Variants in SCN1A observed in about 807,000 individuals in gnomAD.
SCN1A encodes the protein sodium voltage-gated channel alpha subunit 1, also known as sodium channel protein type 1 subunit alpha.
SCN1A carries 13 observed loss-of-function variants against 193.7 expected under a neutral mutation model. That is an observed-to-expected ratio of 0.07 (90% CI 0.04 to 0.11). The LOEUF is 0.11. SCN1A is among the 10% of genes least tolerant of loss of function. The pLI is 1.00. For synonymous variants in SCN1A, 781 were observed against 843.6 expected, an observed-to-expected ratio of 0.93 and a Z score of 1.29; for missense variants, 1,432 against 2,451.1, an observed-to-expected ratio of 0.58 and a Z score of 8.78.
intron 13 of SCN1A, among the ~76,000 whole-genome samples, chr2:166,044,421 C>T (rs1697549573): frequency 6.6e-6 from 1 of 152,160 alleles, no homozygotes; most frequent in Non-Finnish European, 1.5e-5. Context: ...CTTAACAAGG[C>T]CACCTTGGTT....
intron 2 of SCN1A, among the ~76,000 whole-genome samples, chr2:166,105,009 C>T (rs1322194474): frequency 6.6e-6 from 1 of 152,134 alleles, no homozygotes; most frequent in Non-Finnish European, 1.5e-5. Flanking sequence ...TTTCAAATAA[C>T]CTCAGTGAAG....
At chr2:166,068,156 G>A (rs1482386384) in intron 4 of SCN1A, among the ~76,000 whole-genome samples, 1 of 152,140 alleles carries the variant, frequency 6.6e-6, no homozygotes, top group African/African-American at 2.4e-5. Flanking sequence ...ATTGTTTGAG[G>A]TACTGGGTAT....
At chr2:166,077,217 T>A (rs1043184936) in intron 3 of SCN1A, 3 of 151,844 alleles carry the variant, frequency 2.0e-5, no homozygotes, top group African/African-American at 7.2e-5. Flanking sequence ...GACAATCTGA[T>A]ATCATTAAAA....
intron 19 of SCN1A, among the ~76,000 whole-genome samples, chr2:166,032,235 A>ACACACACG (rs1491448427): frequency 6.6e-6 from 1 of 152,096 alleles, no homozygotes; most frequent in African/African-American, 2.4e-5. Flanking sequence ...ACACACACAC[A>ACACACACG]GAGACAGAGA....
chr2:166,118,298 G>GCTTCTTCTTTTTTTTTTTTT (rs371947861), intron 2 of SCN1A, among the ~76,000 whole-genome samples: 3 of 44,696 alleles, frequency 6.7e-5, no homozygotes, highest in African/African-American at 2.2e-4. Flanking sequence ...TTTCTATTTA[G>GCTTCTTCTTTTTTTTTTTTT]TTTCTTTTTT....
At chr2:166,088,927 T>C (rs1255714198) in intron 2 of SCN1A, among the ~76,000 whole-genome samples, 2 of 152,218 alleles carry the variant, frequency 1.3e-5, no homozygotes, top group African/African-American at 4.8e-5. Flanking sequence ...TTAAGATATC[T>C]GAACAGGGTT....
intron 3 of SCN1A, among the ~76,000 whole-genome samples, chr2:166,076,548 T>C (rs889797907): frequency 2.0e-5 from 3 of 151,976 alleles, no homozygotes; most frequent in African/African-American, 7.2e-5. Context: ...GATTTTGAAG[T>C]TTATTTGGAA....
chr2:166,047,750 A>G lies in SCN1A; in HGVS notation c.1047T>C (p.Tyr349=), dbSNP rs1369404945. 1 of 1,613,478 alleles carries G rather than the reference A, an allele frequency of 6.2e-7. No individual in the cohort carries two copies. Among genetic ancestry groups the G allele is most frequent in the Non-Finnish European group, 8.5e-7 (1 of 1,179,614 alleles). ...GATTTCTACCAGCTTTCACACACAT[A>G]TATCCCTCTGGACATTGGCTGCAAG... ...SSDAGQCPEG[Y]MCVKAGRNPN... The change falls in exon 11 of 29, where the codon TAT becomes TAC. Residue 349 remains tyrosine (Y), a synonymous_variant. Transcript: ENST00000674923.
At chr2:166,049,775 A>G (rs12470105) in intron 9 of SCN1A, among the ~76,000 whole-genome samples, 20,581 of 151,988 alleles carry the variant, frequency 0.14, 1,763 homozygotes, top group East Asian at 0.33. Context: ...TGACACTACT[A>G]TATTGTAATT....
chr2:166,004,031 T>C (rs1691310865), intron 23 of SCN1A, among the ~76,000 whole-genome samples: 3 of 151,524 alleles, frequency 2.0e-5, no homozygotes, highest in Non-Finnish European at 4.4e-5. Context: ...GGGATGAGTA[T>C]GAAAAATTAA....
At chr2:166,122,281 G>C (rs906756220) in intron 2 of SCN1A, among the ~76,000 whole-genome samples, 1 of 152,104 alleles carries the variant, frequency 6.6e-6, no homozygotes, top group Admixed American at 6.5e-5. Flanking sequence ...TGTAACTTTG[G>C]GAAAGCATGT....
At chr2:166,131,980 C>A (rs1189434434), upstream of SCN1A, among the ~76,000 whole-genome samples, 1 of 151,968 alleles carries the variant, frequency 6.6e-6, no homozygotes, top group East Asian at 1.9e-4. Flanking sequence ...TTCTAAATTC[C>A]CCTGTCATTT....
At chr2:166,035,588 T>C (rs1696224583) in intron 19 of SCN1A, among the ~76,000 whole-genome samples, 1 of 152,172 alleles carries the variant, frequency 6.6e-6, no homozygotes, top group Non-Finnish European at 1.5e-5. Flanking sequence ...CATCAAAACT[T>C]ACTTAATACA....
intron 1 of SCN1A, among the ~76,000 whole-genome samples, chr2:166,145,552 G>A (rs1361406638): frequency 4.8e-5 from 7 of 146,668 alleles, no homozygotes; most frequent in South Asian, 2.2e-4. Context: ...GTGTGTAGGC[G>A]CACATGCATG....
Position 166,073,656 on chromosome 2 carries a change from C to T in SCN1A, c.-35G>A, listed in dbSNP as rs375640716. 15 of 1,610,722 alleles carry T rather than the reference C, an allele frequency of 9.3e-6. No individual in the cohort carries two copies. The highest frequency in any genetic ancestry group is 8.8e-5 in the South Asian group (8 of 90,640). ...CTGCACATTTTAATTACCATTTATT[C>T]TGCATATGAAATTCCTAAAATAAAA... On this transcript the variant is annotated 5_prime_UTR_variant, in exon 4 of 29. Transcript: ENST00000674923.
At chr2:166,138,569 G>T (rs1166990132) in intron 1 of SCN1A, among the ~76,000 whole-genome samples, 1 of 152,206 alleles carries the variant, frequency 6.6e-6, no homozygotes, top group Non-Finnish European at 1.5e-5. Context: ...CAAAAACTGG[G>T]GTTTGAGAAC....
chr2:166,042,802 G>A (rs537223440), intron 14 of SCN1A, among the ~76,000 whole-genome samples: 1 of 152,134 alleles, frequency 6.6e-6, no homozygotes, highest in Non-Finnish European at 1.5e-5. Flanking sequence ...TTTTGAGAAG[G>A]TAGCTATTTA....
chr2:166,136,921 G>C (rs140826686), intron 1 of SCN1A, among the ~76,000 whole-genome samples: 3 of 152,146 alleles, frequency 2.0e-5, no homozygotes, highest in Non-Finnish European at 4.4e-5. Flanking sequence ...TGCCTGTCTT[G>C]GGCTGCATTC....
intron 1 of SCN1A, among the ~76,000 whole-genome samples, chr2:166,134,336 G>A (rs1212530338): frequency 6.6e-6 from 1 of 152,160 alleles, no homozygotes; most frequent in African/African-American, 2.4e-5. Context: ...TTAATATTGA[G>A]TAAGGTACAT....
Sources: gnomAD v4.1 joint callset for allele counts (sites outside exome capture counted in the v4.1 genomes callset) on GRCh38, gnomAD v4.1.1 for gene constraint, MANE v1.5 for transcripts, NCBI Gene and HGNC (gene_info 2026-07-23, HGNC 2026-07-21) for gene names.